Variants in C11orf65 observed in about 807,000 individuals in gnomAD.
The protein encoded by C11orf65 is chromosome 11 open reading frame 65.
A neutral mutation model predicts 35.3 loss-of-function variants in C11orf65; 38 were observed. That is an observed-to-expected ratio of 1.08 (90% CI 0.83 to 1.41). C11orf65 has a LOEUF of 1.41. C11orf65 is among the 40% of genes most tolerant of loss of function. The pLI, the probability that C11orf65 is intolerant of heterozygous loss-of-function variation, is 0.00. For missense variants in C11orf65, 370 were observed against 367.1 expected (o/e 1.01, Z -0.06); for synonymous variants, 105 against 114.4 (o/e 0.92, Z 0.53).
intron 2 of C11orf65, among the ~76,000 whole-genome samples, chr11:108,457,691 A>G (rs2093424617): frequency 6.6e-6 from 1 of 152,204 alleles, no homozygotes; most frequent in Middle Eastern, 3.2e-3. Flanking sequence ...AGGGTGAAAG[A>G]AAGTAGGATG....
intron 2 of C11orf65, chr11:108,335,389 T>A (rs950938100): frequency 1.1e-6 from 1 of 881,374 alleles, no homozygotes; most frequent in South Asian, 1.7e-5. Flanking sequence ...TGAAAAAAAA[T>A]ACTTTGGTGT....
chr11:108,344,984 CAG>C (rs1369543141), intron 2 of C11orf65, among the ~76,000 whole-genome samples: 2 of 151,664 alleles, frequency 1.3e-5, no homozygotes, highest in Non-Finnish European at 2.9e-5. Flanking sequence ...GTCCAGGTGA[CAG>C]AGACCCTGTC....
rs192262858 is a variant in C11orf65 at position 108,310,451 on chromosome 11, A to G, written c.641-1380T>C. On this transcript the variant is annotated intron_variant, in intron 6 of 6. Coordinates refer to the C11orf65 transcript ENST00000525729. The stretch of plus-strand genomic sequence containing the variant: ...AGATAGAAATTTTGTTTTAAAGTGA[A>G]ATTATAATAAATTTTTAAAAAGGAA... 145 of 785,826 alleles carry G rather than the reference A, an allele frequency of 1.8e-4. 2 individuals are homozygous for G. The African/African-American group carries it at 2.4e-3, about 13-fold the overall frequency. The allele number at this position is 785,826 out of a possible 1,614,324, so 48.7% of individuals were successfully genotyped here. A position where few individuals can be genotyped will look rare whatever the true frequency, so the allele number is the denominator to read the frequency against.
At chr11:108,334,690 C>T (rs1425882558) in intron 3 of C11orf65, among the ~76,000 whole-genome samples, 1 of 152,034 alleles carries the variant, frequency 6.6e-6, no homozygotes, top group African/African-American at 2.4e-5. Context: ...CAGTTATAAC[C>T]CAGAAAACTC....
At chr11:108,358,231 G>A in intron 2 of C11orf65, among the ~76,000 whole-genome samples, 1 of 151,032 alleles carries the variant, frequency 6.6e-6, no homozygotes, top group Non-Finnish European at 1.5e-5. Context: ...GAAGCGAGAA[G>A]GGAAGTTCAG....
chr11:108,355,024 C>A, intron 2 of C11orf65: 1 of 670,764 alleles, frequency 1.5e-6, no homozygotes, highest in Non-Finnish European at 2.6e-6. Flanking sequence ...GTGCACTTAG[C>A]CTTTTCACAC....
chr11:108,437,740 G>T lies in C11orf65; in HGVS notation c.82-5902C>A, dbSNP rs531026341. ...AAAAAAAAAAAAAAAAAAAAAAAAG[G>T]ATAAGGAAATTAAACGGAAAAACAC... is the stretch of plus-strand genomic sequence containing the variant. On this transcript the variant is annotated intron_variant, in intron 2 of 8. Coordinates refer to ENST00000393084, the MANE Select transcript of C11orf65 (RefSeq NM_152587.5). Among the ~76,000 whole-genome samples, 63 of 99,356 alleles carry T rather than the reference G, an allele frequency of 6.3e-4. 1 individual carries two copies. The highest frequency in any genetic ancestry group is 2.4e-3 in the African/African-American group (59 of 24,252). The allele number at this position is 99,356 out of a possible 152,430, so 65.2% of individuals were successfully genotyped here.
intron 3 of C11orf65, among the ~76,000 whole-genome samples, chr11:108,423,816 G>A (rs954433533): frequency 6.6e-6 from 1 of 152,120 alleles, no homozygotes; most frequent in Non-Finnish European, 1.5e-5. Flanking sequence ...TGCAGCAGAG[G>A]GGCCTGTTAG....
At chr11:108,354,070 A>AACACACACACACACACAC (rs71047689) in intron 2 of C11orf65, among the ~76,000 whole-genome samples, 8 of 114,930 alleles carry the variant, frequency 7.0e-5, no homozygotes, top group South Asian at 6.0e-4. Context: ...CACACACACA[A>AACACACACACACACACAC]ACACACACAC....
downstream of C11orf65, among the ~76,000 whole-genome samples, chr11:108,382,596 G>A (rs1241714690): frequency 2.6e-5 from 4 of 152,092 alleles, no homozygotes; most frequent in Non-Finnish European, 5.9e-5. Flanking sequence ...AAAAGGTTCA[G>A]TGAAGAAAAA....
chr11:108,380,336 A>T (rs1445079134), downstream of C11orf65, among the ~76,000 whole-genome samples: 3 of 152,230 alleles, frequency 2.0e-5, no homozygotes, highest in Non-Finnish European at 4.4e-5. Flanking sequence ...AGAGATACAC[A>T]TGGATTCTTG....
At chr11:108,443,427 G>A (rs576287801) in intron 2 of C11orf65, among the ~76,000 whole-genome samples, 124 of 152,142 alleles carry the variant, frequency 8.2e-4, no homozygotes, top group African/African-American at 1.5e-3. Flanking sequence ...GAAACAGAAG[G>A]TTAACAAGGA....
chr11:108,343,473 A>T, intron 2 of C11orf65: 1 of 1,396,648 alleles, frequency 7.2e-7, no homozygotes, highest in Non-Finnish European at 9.9e-7. Context: ...CTTTAATTTC[A>T]TCAGGTAATT....
chr11:108,436,498 G>A (rs921644099), intron 2 of C11orf65, among the ~76,000 whole-genome samples: 1 of 152,190 alleles, frequency 6.6e-6, no homozygotes, highest in Non-Finnish European at 1.5e-5. Context: ...GCTTTGGCCT[G>A]TATGAGGAAT....
At chr11:108,342,230 A>C (rs2087673097) in intron 2 of C11orf65, among the ~76,000 whole-genome samples, 2 of 152,184 alleles carry the variant, frequency 1.3e-5, no homozygotes, top group Non-Finnish European at 2.9e-5. Flanking sequence ...AAATATGTTC[A>C]CGAGTAGTTT....
chr11:108,347,308 CAT>C lies in C11orf65; in HGVS notation c.227-12018_227-12017del, dbSNP rs1232259438. ...TTACATACTTGGACTTGGTGATAGACATGTACAGAATATCTTGATAAATGAGC... is the reference window on the plus strand; with the variant it reads ...TTACATACTTGGACTTGGTGATAGACGTACAGAATATCTTGATAAATGAGC... On this transcript the variant is annotated intron_variant, in intron 2 of 3. Transcript: ENST00000524755. The C allele has an allele frequency of 1.2e-6, 2 of 1,611,476 alleles. No homozygotes were observed. The highest frequency in any genetic ancestry group is 3.3e-5 in the Admixed American group (2 of 59,990).
chr11:108,343,780 C>T (rs1367988108), intron 2 of C11orf65, among the ~76,000 whole-genome samples: 2 of 151,988 alleles, frequency 1.3e-5, no homozygotes, highest in African/African-American at 4.8e-5. Flanking sequence ...GACCCCATCT[C>T]TAAAAAACAA....
chr11:108,366,085 C>T (rs568034723), intron 2 of C11orf65: 1 of 184,414 alleles, frequency 5.4e-6, no homozygotes, highest in Non-Finnish European at 1.1e-5. Context: ...TAAGATCACT[C>T]AGTGTTACTA....
exon 7 of C11orf65, chr11:108,308,877 C>A: frequency 1.4e-6 from 1 of 701,410 alleles, no homozygotes; most frequent in Non-Finnish European, 2.4e-6. Context: ...AGATTATCTT[C>A]TGAGGAGGCC....
Sources: allele counts gnomAD v4.1 joint callset (sites outside exome capture counted in the v4.1 genomes callset), GRCh38; gene constraint gnomAD v4.1.1; transcripts MANE v1.5; gene names NCBI Gene and HGNC (gene_info 2026-07-23, HGNC 2026-07-21).